The following FOXP2 variants were observed in gnomAD, a reference collection of about 807,000 sequenced individuals.
FOXP2 encodes forkhead box protein P2.
FOXP2 carries 12 observed loss-of-function variants against 115.8 expected under a neutral mutation model. The ratio of observed to expected loss-of-function variants is 0.10; its 90% CI spans 0.07 to 0.17. The LOEUF (loss-of-function observed/expected upper bound fraction) is 0.17, where lower values mean the gene tolerates loss of function less well. Among genes scored for constraint, FOXP2 ranks in the 10% least tolerant of loss-of-function variants. The pLI is 1.00. For missense variants in FOXP2, 629 were observed against 843.5 expected (o/e 0.75, Z 3.15); for synonymous variants, 328 against 297.7 (o/e 1.10, Z -1.05).
chr7:114,187,956 C>CAG (rs1191695189), intron 1 of FOXP2, among the ~76,000 whole-genome samples: 1 of 152,160 alleles, frequency 6.6e-6, no homozygotes, highest in African/African-American at 2.4e-5. Flanking sequence ...CCCATGAAAG[C>CAG]AGAGCCCTCA....
intron 2 of FOXP2, among the ~76,000 whole-genome samples, chr7:114,341,602 C>T (rs1791219291): frequency 6.6e-6 from 1 of 151,368 alleles, no homozygotes; most frequent in Non-Finnish European, 1.5e-5. Flanking sequence ...TGGCCTATAA[C>T]TACTAACTGT....
At chr7:114,585,569 T>TA (rs201485322) in intron 3 of FOXP2, among the ~76,000 whole-genome samples, 1,879 of 138,496 alleles carry the variant, frequency 0.014, 19 homozygotes, top group African/African-American at 0.03. Flanking sequence ...ACGCTACTAT[T>TA]AAAAAAAAAA....
chr7:114,133,587 C>G (rs1038466216), intron 1 of FOXP2, among the ~76,000 whole-genome samples: 1 of 152,078 alleles, frequency 6.6e-6, no homozygotes, highest in South Asian at 2.1e-4. Context: ...TTTGTCCCCA[C>G]GAAAACTCAT....
At chr7:114,120,036 C>T (rs910392353) in intron 1 of FOXP2, among the ~76,000 whole-genome samples, 4 of 152,104 alleles carry the variant, frequency 2.6e-5, no homozygotes, top group Non-Finnish European at 2.9e-5. Context: ...CCCATGAAAA[C>T]ATTTATATAT....
intron 1 of FOXP2, among the ~76,000 whole-genome samples, chr7:114,230,721 T>G (rs934403094): frequency 1.3e-5 from 2 of 151,894 alleles, no homozygotes; most frequent in African/African-American, 4.8e-5. Context: ...GGAAATTACC[T>G]CAACATAAGA....
At chr7:114,302,381 G>A (rs553503275) in intron 2 of FOXP2, among the ~76,000 whole-genome samples, 2 of 152,092 alleles carry the variant, frequency 1.3e-5, no homozygotes, top group Admixed American at 1.3e-4. Flanking sequence ...AAACCTATAT[G>A]GAAGTTCCTA....
At chr7:114,137,999 G>A (rs981988781) in intron 1 of FOXP2, among the ~76,000 whole-genome samples, 7 of 152,140 alleles carry the variant, frequency 4.6e-5, no homozygotes, top group African/African-American at 1.4e-4. Context: ...ATTGGGGCAG[G>A]AAATGTGTGA....
At chr7:114,556,505 T>G (rs1210201070) in intron 3 of FOXP2, among the ~76,000 whole-genome samples, 1 of 152,224 alleles carries the variant, frequency 6.6e-6, no homozygotes, top group Non-Finnish European at 1.5e-5. Flanking sequence ...GTAAAAGAGA[T>G]GCTGGTACTT....
chr7:114,230,852 C>T (rs1216107072), intron 1 of FOXP2, among the ~76,000 whole-genome samples: 1 of 151,824 alleles, frequency 6.6e-6, no homozygotes, highest in African/African-American at 2.4e-5. Context: ...ACACAGTACT[C>T]ATAGTCCTAG....
At chr7:114,380,385 C>G (rs887419961) in intron 2 of FOXP2, among the ~76,000 whole-genome samples, 5 of 152,140 alleles carry the variant, frequency 3.3e-5, no homozygotes, top group Admixed American at 1.3e-4. Flanking sequence ...AGCACTAGTT[C>G]CTGGAGTGAG....
chr7:114,214,249 T>G (rs1794431656), intron 1 of FOXP2, among the ~76,000 whole-genome samples: 1 of 152,160 alleles, frequency 6.6e-6, no homozygotes, highest in Non-Finnish European at 1.5e-5. Flanking sequence ...AAGGTCACTC[T>G]CAGGGGCAGA....
chr7:114,199,511 G>C (rs567463727), intron 1 of FOXP2, among the ~76,000 whole-genome samples: 10 of 152,108 alleles, frequency 6.6e-5, no homozygotes, highest in Admixed American at 6.6e-4. Context: ...ATTAGAAAGG[G>C]AGCAGAGCTA....
At chr7:114,562,529 T>G (rs1430929545) in intron 3 of FOXP2, among the ~76,000 whole-genome samples, 1 of 152,208 alleles carries the variant, frequency 6.6e-6, no homozygotes, top group Non-Finnish European at 1.5e-5. Context: ...GCATCTCTGA[T>G]TATATCCCTT....
chr7:114,560,263 G>A (rs1167873032), intron 3 of FOXP2, among the ~76,000 whole-genome samples: 1 of 152,030 alleles, frequency 6.6e-6, no homozygotes, highest in Admixed American at 6.6e-5. Flanking sequence ...ACAATGTAAA[G>A]TCTGATTATA....
intron 1 of FOXP2, among the ~76,000 whole-genome samples, chr7:114,089,089 T>C (rs1799489872): frequency 6.6e-6 from 1 of 152,124 alleles, no homozygotes; most frequent in South Asian, 2.1e-4. Flanking sequence ...CTTTTATTTT[T>C]ATTGCCTAAC....
At chr7:114,665,688 T>A (rs1165031057) in intron 16 of FOXP2, 1 of 152,046 alleles carries the variant, frequency 6.6e-6, no homozygotes, top group East Asian at 1.9e-4. Context: ...AAATTTGTCT[T>A]TTGGAAGTGT....
chr7:114,588,999 T>C (rs1489439908), intron 3 of FOXP2, among the ~76,000 whole-genome samples: 3 of 152,188 alleles, frequency 2.0e-5, no homozygotes, highest in Non-Finnish European at 2.9e-5. Flanking sequence ...GTTATCTTTA[T>C]TACTCAAAAA....
chr7:114,498,400 T>C (rs1489671239), intron 2 of FOXP2, among the ~76,000 whole-genome samples: 2 of 152,172 alleles, frequency 1.3e-5, no homozygotes, highest in Non-Finnish European at 2.9e-5. Flanking sequence ...CAAAGGAAAA[T>C]GCAGTCCTTC....
At chr7:114,594,027 T>C (rs1802571639) in intron 3 of FOXP2, among the ~76,000 whole-genome samples, 1 of 152,000 alleles carries the variant, frequency 6.6e-6, no homozygotes, top group South Asian at 2.1e-4. Context: ...TTTTATAAAA[T>C]AGATTTCTTT....
Sources: gnomAD v4.1 joint callset for allele counts (sites outside exome capture counted in the v4.1 genomes callset) on GRCh38, gnomAD v4.1.1 for gene constraint, MANE v1.5 for transcripts, NCBI Gene and HGNC (gene_info 2026-07-23, HGNC 2026-07-21) for gene names.